The following TNFRSF10B variants were observed in gnomAD, a reference collection of about 807,000 sequenced individuals.
TNFRSF10B encodes TNF receptor superfamily member 10b.
A neutral mutation model predicts 41.4 loss-of-function variants in TNFRSF10B; 35 were observed. That is an observed-to-expected ratio of 0.85 (90% CI 0.65 to 1.12). The LOEUF (loss-of-function observed/expected upper bound fraction) is 1.12. Ranked by LOEUF, TNFRSF10B falls within the 50% of genes most tolerant of loss-of-function variation. TNFRSF10B has a pLI of 0.00. For missense variants in TNFRSF10B, 584 were observed against 552.7 expected, an observed-to-expected ratio of 1.06 and a Z score of -0.57; for synonymous variants, 230 against 215.5, an observed-to-expected ratio of 1.07 and a Z score of -0.59.
chr8:23,027,714 C>G lies in TNFRSF10B; in HGVS notation c.780+8G>C. On this transcript the variant is annotated splice_region_variant and intron_variant, in intron 6 of 8. Transcript: ENST00000276431. The stretch of plus-strand genomic sequence containing the variant: ...CTGAGCCCCCAGCTCCTGGAGAAAT[C>G]AACTCACTCTGTCCACACGCTCAGG... 1 of 1,614,080 alleles carries G rather than the reference C, an allele frequency of 6.2e-7. No homozygotes were observed. The highest frequency in any genetic ancestry group is 8.5e-7 in the Non-Finnish European group (1 of 1,179,998).
At chr8:23,038,321 C>T (rs556948546) in intron 2 of TNFRSF10B, among the ~76,000 whole-genome samples, 2 of 152,302 alleles carry the variant, frequency 1.3e-5, no homozygotes, top group East Asian at 3.9e-4. Flanking sequence ...GGCACAGAGC[C>T]ATGACCAGCT....
chr8:23,041,563 A>G, intron 2 of TNFRSF10B, among the ~76,000 whole-genome samples: 1 of 150,986 alleles, frequency 6.6e-6, no homozygotes. Context: ...ATCAATGTAT[A>G]ATTTCCCTAA....
At chr8:23,030,238 C>T (rs1208013662) in intron 3 of TNFRSF10B, among the ~76,000 whole-genome samples, 1 of 152,168 alleles carries the variant, frequency 6.6e-6, no homozygotes, top group African/African-American at 2.4e-5. Context: ...CATGGCCCCA[C>T]CCCCTTGCAG....
Position 23,022,326 on chromosome 8 carries a change from G to C in TNFRSF10B, c.*345C>G, listed in dbSNP as rs1206194120. On this transcript the variant is annotated 3_prime_UTR_variant, in exon 9 of 9. Coordinates refer to ENST00000276431, the MANE Select transcript of TNFRSF10B (RefSeq NM_003842.5). ...AAGTCGGACAACGACTGTGTAGATG[G>C]ATCTTACAATGTAGCCCAAATAAAT... 2.1e-6 allele frequency: 1 copy of C among 465,372 alleles called. No individual in the cohort carries two copies. The highest frequency in any genetic ancestry group is 4.3e-6 in the Non-Finnish European group (1 of 234,928). 28.8% of individuals were successfully genotyped at this position (465,372 alleles called of 1,614,324 possible). A position where few individuals can be genotyped will look rare whatever the true frequency, so the allele number is the denominator to read the frequency against.
At chr8:23,044,469 A>G (rs1181646312) in intron 1 of TNFRSF10B, among the ~76,000 whole-genome samples, 1 of 152,230 alleles carries the variant, frequency 6.6e-6, no homozygotes, top group African/African-American at 2.4e-5. Flanking sequence ...ACTCAACAAC[A>G]ACAACAAAAA....
intron 5 of TNFRSF10B, 178 bp from the exon 6 acceptor site, chr8:23,027,931 G>A (rs1463174981): frequency 1.3e-5 from 9 of 701,612 alleles, no homozygotes; most frequent in Admixed American, 2.6e-5. Context: ...GGGATGAGAA[G>A]GGGAACTAGA....
chr8:23,021,224 C>T lies in TNFRSF10B; in HGVS notation c.*1447G>A, dbSNP rs1314431205. The T allele has an allele frequency of 2.2e-6, 1 of 453,968 alleles. No individual in the cohort carries two copies. The highest frequency in any genetic ancestry group is 2.4e-5 in the Admixed American group (1 of 42,552). 28.1% of individuals were successfully genotyped at this position (453,968 alleles called of 1,614,324 possible). A position where few individuals can be genotyped will look rare whatever the true frequency, so the allele number is the denominator to read the frequency against. On this transcript the variant is annotated 3_prime_UTR_variant, in exon 9 of 9. Coordinates refer to ENST00000276431, the MANE Select transcript of TNFRSF10B (RefSeq NM_003842.5). ...ATAGAACAGGACACAAGAAGAAAAC[C>T]TTAATGCGTCAGCCATTCTAGGTCC...
chr8:23,027,546 C>G (rs1021775155), intron 6 of TNFRSF10B, 176 bp downstream of exon 6: 2 of 877,584 alleles, frequency 2.3e-6, no homozygotes, highest in Non-Finnish European at 3.5e-6. Context: ...GGCTCACCAG[C>G]CTATGTGGTG....
chr8:23,025,414 A>C (rs914124642), intron 7 of TNFRSF10B, among the ~76,000 whole-genome samples: 1 of 150,050 alleles, frequency 6.7e-6, no homozygotes, highest in Non-Finnish European at 1.5e-5. Flanking sequence ...TCTAGTGACT[A>C]TGTGGGCGGG....
chr8:23,052,004 CAGTT>C (rs565346676), intron 1 of TNFRSF10B, among the ~76,000 whole-genome samples: 78 of 152,218 alleles, frequency 5.1e-4, no homozygotes, highest in African/African-American at 1.7e-3. Context: ...AAGATGGAGT[CAGTT>C]AGGTCAGATC....
intron 5 of TNFRSF10B, 106 bp from the exon 6 acceptor site, chr8:23,027,859 C>G: frequency 7.1e-7 from 1 of 1,404,468 alleles, no homozygotes; most frequent in South Asian, 1.2e-5. Flanking sequence ...GGACACTGGA[C>G]AAGGAGCCCT....
intron 2 of TNFRSF10B, among the ~76,000 whole-genome samples, chr8:23,038,079 T>G (rs994637431): frequency 2.6e-5 from 4 of 152,322 alleles, no homozygotes; most frequent in Non-Finnish European, 5.9e-5. Context: ...CAAACCCTGC[T>G]GGCTGGATTG....
chr8:23,050,872 G>A (rs1263380374), intron 1 of TNFRSF10B, among the ~76,000 whole-genome samples: 3 of 152,104 alleles, frequency 2.0e-5, no homozygotes, highest in African/African-American at 7.2e-5. Context: ...TCAGGAGTTC[G>A]AGACCAGCCT....
chr8:23,035,630 T>A (rs1479396108), intron 2 of TNFRSF10B, among the ~76,000 whole-genome samples: 1 of 152,178 alleles, frequency 6.6e-6, no homozygotes, highest in Non-Finnish European at 1.5e-5. Flanking sequence ...TTTACCTCAG[T>A]AGAAGGACAA....
At chr8:23,027,440 C>G in intron 6 of TNFRSF10B, 152 bp from the exon 7 acceptor site, 1 of 983,584 alleles carries the variant, frequency 1.0e-6, no homozygotes, top group Non-Finnish European at 1.5e-6. Flanking sequence ...ATCCAGGACC[C>G]GCTGCTGGGG....
intron 2 of TNFRSF10B, among the ~76,000 whole-genome samples, chr8:23,038,923 T>C (rs888993568): frequency 1.3e-5 from 2 of 152,102 alleles, no homozygotes; most frequent in African/African-American, 2.4e-5. Flanking sequence ...GATTCAAGCA[T>C]GTTACATTTA....
rs745891458 is a variant in TNFRSF10B, at chr8:23,021,997, G to A, written c.*674C>T. ...GGTAAGGCCAAGCATGGGGGCTCAC[G>A]CCTCTAATTCCACCGCTTTGGGAGT... On this transcript the variant is annotated 3_prime_UTR_variant, in exon 9 of 9. Coordinates refer to ENST00000276431, the MANE Select transcript of TNFRSF10B (RefSeq NM_003842.5). 77 of 451,902 alleles carry A rather than the reference G, an allele frequency of 1.7e-4. No individual in the cohort carries two copies. The highest frequency in any genetic ancestry group is 1.5e-3 in the Admixed American group (65 of 42,464). 28.0% of individuals were successfully genotyped at this position (451,902 alleles called of 1,614,324 possible).
intron 2 of TNFRSF10B, among the ~76,000 whole-genome samples, chr8:23,042,263 G>C (rs1221765817): frequency 1.3e-5 from 2 of 152,210 alleles, no homozygotes; most frequent in African/African-American, 4.8e-5. Context: ...CAATGTGAGG[G>C]TTTGCCCTCA....
At chr8:23,067,521 C>T (rs539909698) in intron 1 of TNFRSF10B, among the ~76,000 whole-genome samples, 1 of 152,128 alleles carries the variant, frequency 6.6e-6, no homozygotes, top group East Asian at 1.9e-4. Flanking sequence ...TTAAAAGCAG[C>T]CAGAGACCAA....
Sources: allele counts gnomAD v4.1 joint callset (sites outside exome capture counted in the v4.1 genomes callset), GRCh38; gene constraint gnomAD v4.1.1; transcripts MANE v1.5; gene names NCBI Gene and HGNC (gene_info 2026-07-23, HGNC 2026-07-21).